ZNF521: variants seen among roughly 807,000 people sequenced by gnomAD.
The protein encoded by ZNF521 is LYST-interacting protein 3.
In ZNF521, 14 loss-of-function variants were observed where a neutral mutation model predicts 105.5. The ratio of observed to expected loss-of-function variants is 0.13; its 90% CI spans 0.09 to 0.21. The LOEUF is 0.21. Among genes scored for constraint, ZNF521 ranks in the 10% least tolerant of loss-of-function variants. The pLI is 1.00. For synonymous variants in ZNF521, 635 were observed against 606.0 expected (o/e 1.05, Z -0.70); for missense variants, 1,233 against 1,629.7 (o/e 0.76, Z 4.19).
At chr18:25,112,128 C>G (rs1016508308) in intron 5 of ZNF521, among the ~76,000 whole-genome samples, 3 of 152,200 alleles carry the variant, frequency 2.0e-5, no homozygotes, top group African/African-American at 7.2e-5. Context: ...CTCCTGTCCT[C>G]TTCAGAAAAT....
At chr18:25,089,384 T>C (rs2144207233) in intron 7 of ZNF521, 81 bp downstream of exon 7, 1 of 1,093,428 alleles carries the variant, frequency 9.1e-7, no homozygotes, top group Non-Finnish European at 1.4e-6. Flanking sequence ...AGTGATACTG[T>C]GAATCCAGAT....
chr18:25,212,514 A>C lies in ZNF521; in HGVS notation c.3573+11831T>G, dbSNP rs868337849. Reference sequence around the variant, plus strand: ...AAAAGAGTGAGACTTAGTCTCAAAAAAAAAAAAAAAAAAAAAAAAAAAAAA... The same window carrying C: ...AAAAGAGTGAGACTTAGTCTCAAAACAAAAAAAAAAAAAAAAAAAAAAAAA... On this transcript the variant is annotated intron_variant, in intron 4 of 7. Transcript: ENST00000361524. 1.4e-3 allele frequency among the ~76,000 whole-genome samples: 108 copies of C among 79,748 alleles called. 1 individual carries two copies. The highest frequency in any genetic ancestry group is 8.2e-3 in the African/African-American group (93 of 11,310). 52.3% of individuals were successfully genotyped at this position (79,748 alleles called of 152,430 possible).
intron 3 of ZNF521, among the ~76,000 whole-genome samples, chr18:25,268,476 C>T (rs142255144): frequency 2.9e-4 from 44 of 152,228 alleles, no homozygotes; most frequent in Non-Finnish European, 1.3e-4. Flanking sequence ...GACACATAAT[C>T]GTCAGATTCA....
At chr18:25,123,262 T>A (rs1347797172) in intron 5 of ZNF521, among the ~76,000 whole-genome samples, 5 of 151,984 alleles carry the variant, frequency 3.3e-5, no homozygotes, top group Non-Finnish European at 7.4e-5. Context: ...CAGGGAACTG[T>A]TGTAAAGCAT....
intron 2 of ZNF521, among the ~76,000 whole-genome samples, chr18:25,331,777 A>T (rs1913582223): frequency 6.6e-6 from 1 of 152,186 alleles, no homozygotes; most frequent in South Asian, 2.1e-4. Context: ...GGCTTGCTGC[A>T]ATGTAGCAAT....
rs144182672 is a variant in ZNF521 at position 25,099,136 on chromosome 18, C to G, written c.3659-7055G>C. Among the ~76,000 whole-genome samples the G allele has an allele frequency of 7.2e-5, 11 of 152,250 alleles. No individual in the cohort carries two copies. In the South Asian group the frequency reaches 2.1e-3, roughly 29 times the overall value. On this transcript the variant is annotated intron_variant, in intron 5 of 7. Coordinates refer to ENST00000361524, the MANE Select transcript of ZNF521 (RefSeq NM_015461.3). ...TTTGTCTGTTTTGCTCATTGATGTA[C>G]ACGAAGTACCTAGAACAGTACATGG... is the stretch of plus-strand genomic sequence containing the variant.
chr18:25,334,080 C>G (rs576972064), intron 2 of ZNF521, among the ~76,000 whole-genome samples: 2 of 152,196 alleles, frequency 1.3e-5, no homozygotes, highest in Non-Finnish European at 2.9e-5. Flanking sequence ...CACCCCCTTG[C>G]CACCACCACT....
At chr18:25,346,917 A>G (rs1179826092) in intron 2 of ZNF521, among the ~76,000 whole-genome samples, 1 of 152,296 alleles carries the variant, frequency 6.6e-6, no homozygotes, top group African/African-American at 2.4e-5. Context: ...TCCCAGCTTT[A>G]TAACTTGGCT....
chr18:25,196,407 A>C (rs559431059), intron 4 of ZNF521, among the ~76,000 whole-genome samples: 2 of 151,722 alleles, frequency 1.3e-5, no homozygotes, highest in African/African-American at 4.8e-5. Context: ...GTTCTTTAGA[A>C]CTGAACAAAA....
intron 3 of ZNF521, among the ~76,000 whole-genome samples, chr18:25,254,685 G>A (rs1908355257): frequency 6.6e-6 from 1 of 152,026 alleles, no homozygotes; most frequent in Admixed American, 6.6e-5. Flanking sequence ...ACAGGGAATG[G>A]GTACCCATGG....
rs750089257 is a variant in ZNF521, at chr18:25,225,315, G to T, written c.2603C>A (p.Ser868Tyr). ...TTCGCTCCCATCGTGACTGTTGTGGGACTCCTGGCTGTTGGTCAGCAAAGT... is the reference window on the plus strand; with the variant it reads ...TTCGCTCCCATCGTGACTGTTGTGGTACTCCTGGCTGTTGGTCAGCAAAGT... Reference protein sequence around the residue: ...LQTLLTNSQESHNSHDGSEED... With the variant: ...LQTLLTNSQEYHNSHDGSEED... The change falls in exon 4 of 8, where the codon TCC becomes TAC. Residue 868 changes from serine (S) to tyrosine (Y), a missense_variant. Ser to Tyr is a moderately radical substitution (Grantham distance 144). Transcript: ENST00000361524. This position sits in a 1 kb window ranked among gnomAD's most constrained non-coding sequence, Gnocchi z 5.6. 6.2e-7 allele frequency: 1 copy of T among 1,614,098 alleles called. No homozygotes were observed. Among genetic ancestry groups the T allele is most frequent in the Non-Finnish European group, 8.5e-7 (1 of 1,180,008 alleles).
At chr18:25,140,693 C>T (rs1600084814) in intron 5 of ZNF521, among the ~76,000 whole-genome samples, 1 of 152,128 alleles carries the variant, frequency 6.6e-6, no homozygotes, top group East Asian at 1.9e-4. Context: ...ATAAGAATGA[C>T]AAATGATTCC....
intron 4 of ZNF521, among the ~76,000 whole-genome samples, chr18:25,199,007 T>C (rs1293377361): frequency 2.0e-5 from 3 of 151,968 alleles, no homozygotes; most frequent in African/African-American, 4.8e-5. Context: ...TGACGTGACA[T>C]TGTGTACCTC....
At chr18:25,298,844 C>A (rs942333155) in intron 3 of ZNF521, among the ~76,000 whole-genome samples, 1 of 152,158 alleles carries the variant, frequency 6.6e-6, no homozygotes, top group Admixed American at 6.6e-5. Context: ...TATAGCTTCA[C>A]AGAGTGAAAT....
intron 5 of ZNF521, among the ~76,000 whole-genome samples, chr18:25,154,464 G>A (rs746153003): frequency 6.6e-6 from 1 of 152,166 alleles, no homozygotes; most frequent in Non-Finnish European, 1.5e-5. Context: ...CCATCAGGTA[G>A]GGGTGAAGGA....
chr18:25,096,092 A>T (rs1275426701), intron 5 of ZNF521, among the ~76,000 whole-genome samples: 1 of 152,226 alleles, frequency 6.6e-6, no homozygotes, highest in African/African-American at 2.4e-5. Context: ...CATCTAAAAT[A>T]ATTATTTCCA....
intron 2 of ZNF521, among the ~76,000 whole-genome samples, chr18:25,326,992 C>T (rs997079432): frequency 1.3e-5 from 2 of 152,068 alleles, no homozygotes; most frequent in African/African-American, 4.8e-5. Flanking sequence ...CAAGAAACTA[C>T]CAACTAAAAA....
At chr18:25,206,100 C>T (rs1273825561) in intron 4 of ZNF521, among the ~76,000 whole-genome samples, 3 of 151,992 alleles carry the variant, frequency 2.0e-5, no homozygotes, top group Non-Finnish European at 1.5e-5. Flanking sequence ...ACCTCCTGGG[C>T]TTAAACAAGT....
rs1483962769 is a variant in ZNF521 at position 25,312,728 on chromosome 18, G to A, written c.220+9280C>T. On this transcript the variant is annotated intron_variant, in intron 3 of 7. Coordinates refer to ENST00000361524, the MANE Select transcript of ZNF521 (RefSeq NM_015461.3). The stretch of plus-strand genomic sequence containing the variant: ...CGGGAGGCTGAGGCAGGAGAATGGC[G>A]TGAACCCGGGAAGCGGAGCTTGCAG... Among the ~76,000 whole-genome samples the A allele has an allele frequency of 8.1e-5, 6 of 74,484 alleles. 3 individuals carry two copies. The highest frequency in any genetic ancestry group is 1.7e-4 in the Non-Finnish European group (6 of 34,564). 48.9% of individuals were successfully genotyped at this position (74,484 alleles called of 152,430 possible). A position where few individuals can be genotyped will look rare whatever the true frequency, so the allele number is the denominator to read the frequency against.
Sources: allele counts gnomAD v4.1 joint callset (sites outside exome capture counted in the v4.1 genomes callset), GRCh38; gene constraint gnomAD v4.1.1; non-coding constraint Gnocchi (gnomAD v3.1); transcripts MANE v1.5; gene names NCBI Gene and HGNC (gene_info 2026-07-23, HGNC 2026-07-21).